The following ANKRD6 variants were observed in gnomAD, a reference collection of about 807,000 sequenced individuals.
ANKRD6 encodes the protein ankyrin repeat domain-containing protein 6.
A neutral mutation model predicts 82.3 loss-of-function variants in ANKRD6; 56 were observed. The observed-to-expected ratio is 0.68, with a 90% CI of 0.55 to 0.85. The LOEUF (loss-of-function observed/expected upper bound fraction) is 0.85, where lower values mean the gene tolerates loss of function less well. Ranked by LOEUF, ANKRD6 falls within the 40% of genes least tolerant of loss-of-function variation. The pLI, the probability that ANKRD6 is intolerant of heterozygous loss-of-function variation, is 0.00. For synonymous variants in ANKRD6, 347 were observed against 352.1 expected (o/e 0.99, Z 0.16); for missense variants, 852 against 907.6 (o/e 0.94, Z 0.79).
chr6:89,552,439 G>T (rs559367878), intron 1 of ANKRD6, among the ~76,000 whole-genome samples: 1 of 152,328 alleles, frequency 6.6e-6, no homozygotes, highest in East Asian at 1.9e-4. Flanking sequence ...TCCCAGCAAA[G>T]CTCAGTGCTG....
At chr6:89,512,663 G>A (rs577980062) in intron 1 of ANKRD6, among the ~76,000 whole-genome samples, 1 of 152,320 alleles carries the variant, frequency 6.6e-6, no homozygotes, top group Non-Finnish European at 1.5e-5. Flanking sequence ...ACCAGTATTA[G>A]TGAAGCATGG....
intron 9 of ANKRD6, chr6:89,621,718 T>C (rs1431549680): frequency 3.4e-6 from 2 of 591,976 alleles, no homozygotes; most frequent in East Asian, 2.9e-5. Flanking sequence ...GATAATATCC[T>C]ACCTGTCTCC....
Position 89,630,996 on chromosome 6 carries a change from G to A in ANKRD6, c.2176G>A (p.Glu726Lys), listed in dbSNP as rs1245525404. ...CAAACTAAGGACTAGGGTGCAGAAG[G>A]AAAATTAGCACCAATAAAGAGGAAA... ...LAKLRTRVQK[E>K]N Residue 726 changes from glutamate to lysine, a missense_variant, in exon 16 of 16, where the codon GAA becomes AAA. Physicochemically the swap from Glu to Lys is moderately conservative, Grantham distance 56. Coordinates refer to ENST00000339746, the MANE Select transcript of ANKRD6 (RefSeq NM_001242809.2). 6.5e-7 allele frequency: 1 copy of A among 1,529,480 alleles called. No homozygotes were observed. Among genetic ancestry groups the A allele is most frequent in the Non-Finnish European group, 8.8e-7 (1 of 1,141,586 alleles). 94.7% of individuals were successfully genotyped at this position (1,529,480 alleles called of 1,614,324 possible).
intron 1 of ANKRD6, among the ~76,000 whole-genome samples, chr6:89,455,820 A>G (rs1361903685): frequency 6.6e-6 from 1 of 151,864 alleles, no homozygotes; most frequent in African/African-American, 2.4e-5. Context: ...AGAACCGTGA[A>G]CCAATTAAAC....
At chr6:89,512,027 C>T (rs1780608936) in intron 1 of ANKRD6, among the ~76,000 whole-genome samples, 1 of 151,996 alleles carries the variant, frequency 6.6e-6, no homozygotes, top group African/African-American at 2.4e-5. Flanking sequence ...GATCCTCCCA[C>T]CCCGGCCTCT....
At chr6:89,509,119 C>T (rs934949311) in intron 1 of ANKRD6, 4 of 152,248 alleles carry the variant, frequency 2.6e-5, no homozygotes, top group Non-Finnish European at 2.9e-5. Flanking sequence ...GGGAGGCGGG[C>T]GCTTCCTTTG....
At chr6:89,625,188 C>T (rs1257916716) in intron 13 of ANKRD6, among the ~76,000 whole-genome samples, 1 of 151,878 alleles carries the variant, frequency 6.6e-6, no homozygotes. Flanking sequence ...GAGGCTGAGG[C>T]ATAAGAATTG....
chr6:89,570,191 C>T (rs1306711785), intron 2 of ANKRD6, among the ~76,000 whole-genome samples: 1 of 151,922 alleles, frequency 6.6e-6, no homozygotes, highest in African/African-American at 2.4e-5. Flanking sequence ...AGCAATCCTC[C>T]CACCTCAGCT....
chr6:89,532,538 TA>T (rs1233670353), intron 1 of ANKRD6, among the ~76,000 whole-genome samples: 1 of 152,162 alleles, frequency 6.6e-6, no homozygotes, highest in African/African-American at 2.4e-5. Context: ...ATATCACAAT[TA>T]GAGTTCCTTG....
intron 1 of ANKRD6, among the ~76,000 whole-genome samples, chr6:89,513,547 T>C (rs1780824057): frequency 6.6e-6 from 1 of 152,270 alleles, no homozygotes; most frequent in Admixed American, 6.5e-5. Flanking sequence ...TAAATAGTAA[T>C]AGTTTATTGA....
rs370247751 is a variant in ANKRD6, at chr6:89,556,428, GT to G, written c.-143-10402del. On this transcript the variant is annotated intron_variant, in intron 1 of 15. Coordinates refer to ENST00000339746, the MANE Select transcript of ANKRD6 (RefSeq NM_001242809.2). ...TAAAGTTATCTTTTATTGAGGACCT[GT>G]TTTGAGACAAAGCACACTCACTATC... 3.1e-3 allele frequency among the ~76,000 whole-genome samples: 474 copies of G among 152,330 alleles called. 4 individuals carry two copies. Among genetic ancestry groups the G allele is most frequent in the African/African-American group, 0.011 (452 of 41,564 alleles).
At chr6:89,527,258 C>A (rs911517591) in intron 1 of ANKRD6, among the ~76,000 whole-genome samples, 4 of 152,000 alleles carry the variant, frequency 2.6e-5, no homozygotes, top group Admixed American at 2.6e-4. Context: ...AGTAAGTATG[C>A]AAAAGGATTA....
At chr6:89,574,939 G>T (rs1015567561) in intron 2 of ANKRD6, among the ~76,000 whole-genome samples, 2 of 152,172 alleles carry the variant, frequency 1.3e-5, no homozygotes, top group Admixed American at 1.3e-4. Flanking sequence ...TCAGAATGAG[G>T]ACCCAAAAAT....
At chr6:89,492,459 G>A (rs1778127283) in intron 1 of ANKRD6, among the ~76,000 whole-genome samples, 1 of 152,206 alleles carries the variant, frequency 6.6e-6, no homozygotes. Flanking sequence ...CTGTACTTGT[G>A]TGTGTTTGCA....
intron 1 of ANKRD6, among the ~76,000 whole-genome samples, chr6:89,452,190 A>G (rs551548256): frequency 6.6e-6 from 1 of 152,360 alleles, no homozygotes; most frequent in East Asian, 1.9e-4. Context: ...AAAACAAAAC[A>G]GAAGACTTTT....
chr6:89,511,724 C>T (rs1288053709), intron 1 of ANKRD6, among the ~76,000 whole-genome samples: 1 of 152,148 alleles, frequency 6.6e-6, no homozygotes, highest in Non-Finnish European at 1.5e-5. Context: ...TAATTTGGTC[C>T]TGATATTGTT....
chr6:89,547,200 G>C (rs71556334), intron 1 of ANKRD6, among the ~76,000 whole-genome samples: 4,217 of 151,896 alleles, frequency 0.028, 82 homozygotes, highest in Non-Finnish European at 0.042. Flanking sequence ...TGTTATTTGG[G>C]GGGGGGGTTA....
chr6:89,459,235 C>T (rs921297954), intron 1 of ANKRD6, among the ~76,000 whole-genome samples: 4 of 152,016 alleles, frequency 2.6e-5, no homozygotes, highest in African/African-American at 9.7e-5. Flanking sequence ...TGTGCCACCA[C>T]ACTCAGCTAA....
Position 89,480,361 on chromosome 6 carries a change from G to T in ANKRD6, c.-144+46986G>T, listed in dbSNP as rs116389703. Reference sequence around the variant, plus strand: ...CAGTTATGGTGACACATGGGAATAGGGGCGCATGAAGGAGCCAGGTCAGGA... The same window carrying T: ...CAGTTATGGTGACACATGGGAATAGTGGCGCATGAAGGAGCCAGGTCAGGA... On this transcript the variant is annotated intron_variant, in intron 1 of 15. Coordinates refer to ENST00000339746, the MANE Select transcript of ANKRD6 (RefSeq NM_001242809.2). 6.1e-3 allele frequency among the ~76,000 whole-genome samples: 928 copies of T among 152,264 alleles called. 19 individuals carry two copies. The highest frequency in any genetic ancestry group is 0.021 in the African/African-American group (874 of 41,534).
Sources: allele counts gnomAD v4.1 joint callset (sites outside exome capture counted in the v4.1 genomes callset), GRCh38; gene constraint gnomAD v4.1.1; transcripts MANE v1.5; gene names NCBI Gene and HGNC (gene_info 2026-07-23, HGNC 2026-07-21).